Variants in RNF157 observed in about 807,000 individuals in gnomAD.
RNF157 encodes E3 ubiquitin ligase RNF157.
Under a neutral mutation model 88.3 loss-of-function variants are expected in RNF157, and 55 were observed. That is an observed-to-expected ratio of 0.62 (90% confidence interval 0.50 to 0.78). RNF157 has a LOEUF of 0.78. Among genes scored for constraint, RNF157 ranks in the 30% least tolerant of loss-of-function variants. The pLI is 0.00. For synonymous variants in RNF157, 334 were observed against 341.2 expected (o/e 0.98, Z 0.23); for missense variants, 788 against 860.8 (o/e 0.92, Z 1.06).
In RNF157 at chr17:76,161,761, A is replaced by G; in HGVS notation, c.952+82T>C. 1 of 1,555,238 alleles carries G rather than the reference A, an allele frequency of 6.4e-7. No individual in the cohort carries two copies. The highest frequency in any genetic ancestry group is 8.8e-7 in the Non-Finnish European group (1 of 1,136,394). ...CGCGCATCCGTTTGTCAGATCCAGC[A>G]GCAGCACATGCTTCAGTGTTTTGTA... On this transcript the variant is annotated intron_variant, in intron 10 of 18. Transcript: ENST00000269391. The surrounding 1 kb of genome is among the most constrained non-coding windows in gnomAD (Gnocchi z 4.6).
chr17:76,198,408 C>T (rs2144969880), intron 2 of RNF157, among the ~76,000 whole-genome samples: 1 of 152,274 alleles, frequency 6.6e-6, no homozygotes, highest in South Asian at 2.1e-4. Context: ...AAAACTGCCA[C>T]AGAGATCTTT....
Position 76,191,339 on chromosome 17 carries a change from G to C in RNF157, c.208-17549C>G, listed in dbSNP as rs539913584. The stretch of plus-strand genomic sequence containing the variant: ...AAAAAATAAAAAATTAGGGCTGGGC[G>C]CGGTGGCTCACACCTGTAATCCCAA... On this transcript the variant is annotated intron_variant, in intron 2 of 18. Transcript: ENST00000269391. Among the ~76,000 whole-genome samples the C allele has an allele frequency of 4.6e-5, 7 of 152,066 alleles. No individual in the cohort carries two copies. In the East Asian group the frequency reaches 1.2e-3, roughly 25 times the overall value.
chr17:76,225,473 T>C (rs2070064535), intron 1 of RNF157, among the ~76,000 whole-genome samples: 1 of 152,236 alleles, frequency 6.6e-6, no homozygotes, highest in Admixed American at 6.5e-5. Context: ...TTTATACATA[T>C]ACAAATATGT....
chr17:76,217,907 G>A (rs1185146453), intron 1 of RNF157, among the ~76,000 whole-genome samples: 2 of 152,148 alleles, frequency 1.3e-5, no homozygotes, highest in East Asian at 1.9e-4. Context: ...TACGTAAACC[G>A]TAAGGTATGA....
At chr17:76,155,436 G>A (rs1329945106) in intron 15 of RNF157, 119 bp from the exon 16 acceptor site, 4 of 1,448,966 alleles carry the variant, frequency 2.8e-6, no homozygotes, top group Non-Finnish European at 3.8e-6. Flanking sequence ...GGAATGCCTT[G>A]TTTTCTGCAG....
intron 1 of RNF157, among the ~76,000 whole-genome samples, chr17:76,228,466 C>T (rs73364508): frequency 0.025 from 3,873 of 152,296 alleles, 186 homozygotes; most frequent in African/African-American, 0.088. Context: ...TTCCCAACTG[C>T]CTCTACCTCA....
At chr17:76,175,345 G>A (rs981328615) in intron 2 of RNF157, among the ~76,000 whole-genome samples, 4 of 152,136 alleles carry the variant, frequency 2.6e-5, no homozygotes, top group Middle Eastern at 3.4e-3. Flanking sequence ...ATTTCCTAAG[G>A]ACAAATTCCT....
chr17:76,210,588 C>CAAAAAA (rs71161274), intron 2 of RNF157, among the ~76,000 whole-genome samples: 3,596 of 53,448 alleles, frequency 0.067, 606 homozygotes, highest in African/African-American at 0.21. Flanking sequence ...AGACTCCGTC[C>CAAAAAA]AAAAAAAAAA....
chr17:76,151,631 GC>G (rs2068679537), intron 18 of RNF157, among the ~76,000 whole-genome samples: 1 of 152,186 alleles, frequency 6.6e-6, no homozygotes, highest in African/African-American at 2.4e-5. Flanking sequence ...CCTTGAACGG[GC>G]ACACTAACTA....
At chr17:76,223,470 G>C (rs1174784700) in intron 1 of RNF157, among the ~76,000 whole-genome samples, 1 of 152,162 alleles carries the variant, frequency 6.6e-6, no homozygotes, top group Non-Finnish European at 1.5e-5. Flanking sequence ...TTACAGGCAT[G>C]GGCCACCATG....
At position 76,161,914 on chromosome 17, in the gene RNF157, T is replaced by A; in HGVS notation, c.881A>T (p.His294Leu). The change falls in exon 10 of 19, where the codon CAC (histidine) becomes CTC (leucine). Residue 294 changes from histidine to leucine, a missense_variant. Physicochemically the swap from His to Leu is moderately conservative, Grantham distance 99. Transcript: ENST00000269391. The surrounding 1 kb of genome is among the most constrained non-coding windows in gnomAD (Gnocchi z 4.6). ...VRDTLILPCRHLCLCNTCADT... is the reference protein window; with the variant it reads ...VRDTLILPCRLLCLCNTCADT... Reference sequence around the variant, plus strand: ...TGCACAGGTGTTACAGAGGCAGAGGTGGCGACAGGGCAGAATCAAGGTGTC... The same window carrying A: ...TGCACAGGTGTTACAGAGGCAGAGGAGGCGACAGGGCAGAATCAAGGTGTC... 6.2e-7 allele frequency: 1 copy of A among 1,614,118 alleles called. No homozygotes were observed. Among genetic ancestry groups the A allele is most frequent in the Non-Finnish European group, 8.5e-7 (1 of 1,180,012 alleles).
At chr17:76,182,069 C>T (rs927159344) in intron 2 of RNF157, among the ~76,000 whole-genome samples, 28 of 152,144 alleles carry the variant, frequency 1.8e-4, no homozygotes, top group African/African-American at 6.5e-4. Context: ...TGTAAAGGGG[C>T]GTCAAGCTTG....
chr17:76,166,964 GC>G, intron 5 of RNF157, 44 bp downstream of exon 5: 3 of 1,372,784 alleles, frequency 2.2e-6, no homozygotes, highest in Non-Finnish European at 3.0e-6. Flanking sequence ...TAGCCCCTAG[GC>G]CCTTCTGAGT....
chr17:76,162,634 A>G lies in RNF157; in HGVS notation c.721-11T>C. 2.5e-6 allele frequency: 4 copies of G among 1,606,700 alleles called. No individual in the cohort carries two copies. Among genetic ancestry groups the G allele is most frequent in the Non-Finnish European group, 3.4e-6 (4 of 1,175,480 alleles). On this transcript the variant is annotated splice_polypyrimidine_tract_variant and intron_variant, in intron 8 of 18. Transcript: ENST00000269391. ...GCTGACCCCGTCTACCTGAACAGCA[A>G]ACAGAAAGGTTCAAGGACAGGCTGT...
At chr17:76,225,553 T>C (rs964704159) in intron 1 of RNF157, among the ~76,000 whole-genome samples, 2 of 152,204 alleles carry the variant, frequency 1.3e-5, no homozygotes, top group African/African-American at 4.8e-5. Context: ...GTCTGCATAA[T>C]TGAATGCACA....
intron 2 of RNF157, among the ~76,000 whole-genome samples, chr17:76,208,522 A>G (rs947226818): frequency 6.6e-6 from 1 of 152,244 alleles, no homozygotes; most frequent in Non-Finnish European, 1.5e-5. Flanking sequence ...CAGCCCTGGC[A>G]AAAACTAGGT....
At chr17:76,214,479 T>C (rs1488112344) in intron 1 of RNF157, among the ~76,000 whole-genome samples, 1 of 152,222 alleles carries the variant, frequency 6.6e-6, no homozygotes, top group Non-Finnish European at 1.5e-5. Context: ...TAACCTTCTA[T>C]GATGAAGGTT....
intron 9 of RNF157, 114 bp from the exon 10 acceptor site, chr17:76,162,116 C>G: frequency 9.4e-7 from 1 of 1,065,688 alleles, no homozygotes; most frequent in East Asian, 2.5e-5. Flanking sequence ...CGAACAAAAT[C>G]TGCATTGACA....
At chr17:76,193,099 G>T (rs933265038) in intron 2 of RNF157, among the ~76,000 whole-genome samples, 6 of 152,186 alleles carry the variant, frequency 3.9e-5, no homozygotes, top group Non-Finnish European at 7.3e-5. Flanking sequence ...GATTACAGGC[G>T]TGGGCCAGAG....
Sources: gnomAD v4.1 joint callset for allele counts (sites outside exome capture counted in the v4.1 genomes callset) on GRCh38, gnomAD v4.1.1 for gene constraint, Gnocchi (gnomAD v3.1) non-coding constraint, MANE v1.5 for transcripts, NCBI Gene and HGNC (gene_info 2026-07-23, HGNC 2026-07-21) for gene names.